ZNF98: variants seen among roughly 807,000 people sequenced by gnomAD.
The protein encoded by ZNF98 is zinc finger protein 98.
A neutral mutation model predicts 12.8 loss-of-function variants in ZNF98; 8 were observed. The observed-to-expected ratio is 0.63, with a 90% CI of 0.37 to 1.13. ZNF98 has a LOEUF of 1.13. Among genes scored for constraint, ZNF98 ranks in the 50% most tolerant of loss-of-function variants. The probability of loss-of-function intolerance (pLI) is 0.01; values close to 1 mark genes in which losing one functional copy is unlikely to be tolerated. For synonymous variants in ZNF98, 112 were observed against 223.5 expected (o/e 0.50, Z 4.45); for missense variants, 379 against 666.1 (o/e 0.57, Z 4.74).
intron 1 of ZNF98, among the ~76,000 whole-genome samples, chr19:22,405,585 C>A (rs1273596952): frequency 2.0e-5 from 3 of 152,172 alleles, no homozygotes; most frequent in Non-Finnish European, 4.4e-5. Flanking sequence ...ACTGTGCAAC[C>A]CACAAACGGA....
At chr19:22,411,691 C>T (rs1271833602) in intron 1 of ZNF98, among the ~76,000 whole-genome samples, 1 of 152,188 alleles carries the variant, frequency 6.6e-6, no homozygotes, top group African/African-American at 2.4e-5. Context: ...AAAATATCTA[C>T]ATATAATCTA....
At chr19:22,399,061 TAAAACC>T (rs1969428953) in intron 3 of ZNF98, among the ~76,000 whole-genome samples, 1 of 152,140 alleles carries the variant, frequency 6.6e-6, no homozygotes, top group African/African-American at 2.4e-5. Flanking sequence ...TCTAAAATTG[TAAAACC>T]AAAAAACACA....
intron 1 of ZNF98, among the ~76,000 whole-genome samples, chr19:22,411,494 GA>G (rs1453243504): frequency 6.6e-6 from 1 of 152,100 alleles, no homozygotes; most frequent in Non-Finnish European, 1.5e-5. Flanking sequence ...CTCTTAAAAT[GA>G]GCTTTACTCT....
At chr19:22,401,808 T>G (rs936525989) in intron 3 of ZNF98, among the ~76,000 whole-genome samples, 6 of 151,630 alleles carry the variant, frequency 4.0e-5, no homozygotes, top group African/African-American at 1.5e-4. Flanking sequence ...TAAAGTGCCG[T>G]GTTATCTACA....
chr19:22,403,101 T>TA (rs1365332687), intron 2 of ZNF98, among the ~76,000 whole-genome samples: 1 of 152,014 alleles, frequency 6.6e-6, no homozygotes, highest in East Asian at 1.9e-4. Flanking sequence ...TAGTGGCAAT[T>TA]AGATTTTAAG....
chr19:22,394,893 G>A (rs1280244128), intron 3 of ZNF98, among the ~76,000 whole-genome samples: 1 of 152,238 alleles, frequency 6.6e-6, no homozygotes, highest in East Asian at 1.9e-4. Context: ...TGGTTATTAA[G>A]GAGTTTGGTG....
intron 1 of ZNF98, among the ~76,000 whole-genome samples, chr19:22,405,058 A>G (rs1016475350): frequency 6.6e-6 from 1 of 152,150 alleles, no homozygotes; most frequent in Non-Finnish European, 1.5e-5. Context: ...TATGACGTGT[A>G]AGAAGCCATG....
intron 1 of ZNF98, among the ~76,000 whole-genome samples, chr19:22,407,400 A>AT (rs113043868): frequency 0.045 from 6,237 of 139,904 alleles, 339 homozygotes; most frequent in African/African-American, 0.12. Flanking sequence ...GAATTCACTG[A>AT]TTTTTTTTTT....
intron 3 of ZNF98, among the ~76,000 whole-genome samples, chr19:22,399,714 A>G (rs1050324405): frequency 1.1e-4 from 17 of 152,208 alleles, no homozygotes; most frequent in Admixed American, 6.5e-5. Context: ...TGAAATAGAA[A>G]GTAGAAAGTA....
In ZNF98 at chr19:22,406,673, C is replaced by T. The variant is rs540728667; in HGVS notation, c.31-3161G>A. Among the ~76,000 whole-genome samples the T allele has an allele frequency of 7.9e-5, 12 of 151,928 alleles. No homozygotes were observed. The South Asian group carries it at 8.3e-4, about 11-fold the overall frequency. On this transcript the variant is annotated intron_variant, in intron 1 of 3. Coordinates refer to ENST00000357774, the MANE Select transcript of ZNF98 (RefSeq NM_001098626.2). ...TCTACTAAAAATACAAAAAATTAGC[C>T]GGGCATGGTAGTCCGCACCTGTAGT...
chr19:22,402,648 AT>A, intron 3 of ZNF98, 140 bp downstream of exon 3: 2 of 996,882 alleles, frequency 2.0e-6, no homozygotes. Flanking sequence ...TGAAAGCAAA[AT>A]TTAAAAAATT....
rs780305982 is a variant in ZNF98, at chr19:22,403,374, A to C, written c.157+12T>G. On this transcript the variant is annotated intron_variant, in intron 2 of 3. Transcript: ENST00000357774. ...GGTATATTAGGGAATTGTATATTGAAGTTATCCTCACCCACAAAGACCAGG... is the reference window on the plus strand; with the variant it reads ...GGTATATTAGGGAATTGTATATTGACGTTATCCTCACCCACAAAGACCAGG... 7 of 1,528,710 alleles carry C rather than the reference A, an allele frequency of 4.6e-6. No homozygotes were observed. The South Asian group carries it at 8.0e-5, about 18-fold the overall frequency. The allele number at this position is 1,528,710 out of a possible 1,614,324, so 94.7% of individuals were successfully genotyped here. A position where few individuals can be genotyped will look rare whatever the true frequency, so the allele number is the denominator to read the frequency against.
At chr19:22,410,376 C>T (rs1969567735) in intron 1 of ZNF98, among the ~76,000 whole-genome samples, 2 of 152,094 alleles carry the variant, frequency 1.3e-5, no homozygotes. Flanking sequence ...ACAGACTTGA[C>T]AAATAAAATA....
At chr19:22,401,253 A>G (rs1256080492) in intron 3 of ZNF98, among the ~76,000 whole-genome samples, 1 of 152,144 alleles carries the variant, frequency 6.6e-6, no homozygotes, top group East Asian at 1.9e-4. Flanking sequence ...TCAATAAGTT[A>G]GCAAAATAGA....
At chr19:22,419,051 C>A (rs1168636536) in intron 1 of ZNF98, among the ~76,000 whole-genome samples, 1 of 152,126 alleles carries the variant, frequency 6.6e-6, no homozygotes, top group African/African-American at 2.4e-5. Context: ...CGAGGTAAAA[C>A]ATTAATCTAG....
intron 1 of ZNF98, among the ~76,000 whole-genome samples, chr19:22,410,218 AAT>A (rs1472760561): frequency 6.6e-6 from 1 of 152,192 alleles, no homozygotes; most frequent in Non-Finnish European, 1.5e-5. Flanking sequence ...TAGAACCAGA[AAT>A]ATCATTTGAC....
chr19:22,406,688 G>A (rs895483687), intron 1 of ZNF98, among the ~76,000 whole-genome samples: 4 of 151,830 alleles, frequency 2.6e-5, no homozygotes, highest in Non-Finnish European at 5.9e-5. Flanking sequence ...ATGGTAGTCC[G>A]CACCTGTAGT....
intron 1 of ZNF98, among the ~76,000 whole-genome samples, chr19:22,411,875 G>A (rs968505962): frequency 2.6e-5 from 4 of 152,150 alleles, no homozygotes; most frequent in African/African-American, 7.2e-5. Flanking sequence ...TGGTAAAAAC[G>A]CAGAAGAGAG....
At chr19:22,403,238 A>G in intron 2 of ZNF98, 148 bp downstream of exon 2, 1 of 980,192 alleles carries the variant, frequency 1.0e-6, no homozygotes, top group Non-Finnish European at 1.5e-6. Context: ...ATTCTTTTCT[A>G]CATAGACAAA....
Sources: gnomAD v4.1 joint callset for allele counts (sites outside exome capture counted in the v4.1 genomes callset) on GRCh38, gnomAD v4.1.1 for gene constraint, MANE v1.5 for transcripts, NCBI Gene and HGNC (gene_info 2026-07-23, HGNC 2026-07-21) for gene names.